The following TRAPPC6A variants were observed in gnomAD, a reference collection of about 807,000 sequenced individuals.
The protein encoded by TRAPPC6A is trafficking protein particle complex subunit 6A, also known as TRAPP complex subunit 6A.
A neutral mutation model predicts 20.8 loss-of-function variants in TRAPPC6A; 25 were observed. That is an observed-to-expected ratio of 1.20 (90% CI 0.88 to 1.68). TRAPPC6A has a LOEUF of 1.68. TRAPPC6A is among the 40% of genes most tolerant of loss of function. The pLI is 0.00. For missense variants in TRAPPC6A, 215 were observed against 211.6 expected (o/e 1.02, Z -0.10); for synonymous variants, 96 against 93.3 (o/e 1.03, Z -0.16).
intron 1 of TRAPPC6A, among the ~76,000 whole-genome samples, chr19:45,170,779 G>T (rs1969252527): frequency 6.6e-6 from 1 of 152,212 alleles, no homozygotes; most frequent in Non-Finnish European, 1.5e-5. Context: ...GTGACTGCTG[G>T]CCCCACTGTA....
chr19:45,173,961 C>A lies in TRAPPC6A; in HGVS notation c.84+4174G>T, dbSNP rs1969313631. ...GGGTAGGGAACCCCTGCCCAAGGTC[C>A]CAGGCACATTCGTGTGCTCTGAAAG... On this transcript the variant is annotated intron_variant, in intron 1 of 5. Transcript: ENST00000585934. The surrounding 1 kb of genome is among the most constrained non-coding windows in gnomAD (Gnocchi z 4.8). Among the ~76,000 whole-genome samples, 1 of 152,166 alleles carries A rather than the reference C, an allele frequency of 6.6e-6. No homozygotes were observed. Among genetic ancestry groups the A allele is most frequent in the South Asian group, 2.1e-4 (1 of 4,824 alleles).
chr19:45,175,681 T>C (rs1185277669), intron 1 of TRAPPC6A, among the ~76,000 whole-genome samples: 1 of 152,024 alleles, frequency 6.6e-6, no homozygotes, highest in African/African-American at 2.4e-5. Context: ...CGGAAAGCAC[T>C]GGACCAGGGC....
At chr19:45,171,766 T>C (rs1969273344) in intron 1 of TRAPPC6A, among the ~76,000 whole-genome samples, 1 of 152,068 alleles carries the variant, frequency 6.6e-6, no homozygotes, top group African/African-American at 2.4e-5. Flanking sequence ...GAAGAAATCA[T>C]CAGAGAGATC....
At chr19:45,178,022 T>A (rs1969430734) in intron 1 of TRAPPC6A, 113 bp downstream of exon 1, 9 of 1,556,506 alleles carry the variant, frequency 5.8e-6, no homozygotes, top group Non-Finnish European at 7.8e-6. Flanking sequence ...GACGTTGCCC[T>A]GCAAGGCCGG....
rs891859016 is a variant in TRAPPC6A, at chr19:45,172,363, G to A, written c.84+5772C>T. ...TGAACTGGGAGGGAGGCGGGTGGGG[G>A]CCATGTGCTCCACCCCTTCCTGTCT... On this transcript the variant is annotated intron_variant, in intron 1 of 5. Coordinates refer to ENST00000585934, the MANE Select transcript of TRAPPC6A (RefSeq NM_001270891.2). The surrounding 1 kb of genome is among the most constrained non-coding windows in gnomAD (Gnocchi z 4.2). 6.6e-6 allele frequency among the ~76,000 whole-genome samples: 1 copy of A among 151,552 alleles called. No homozygotes were observed. The highest frequency in any genetic ancestry group is 1.9e-4 in the East Asian group (1 of 5,194).
intron 1 of TRAPPC6A, among the ~76,000 whole-genome samples, chr19:45,174,863 G>A (rs1407913372): frequency 6.6e-6 from 1 of 151,692 alleles, no homozygotes; most frequent in Non-Finnish European, 1.5e-5. Context: ...GCTCACGCCT[G>A]TAATCCCAGC....
rs924760986 is a variant in TRAPPC6A, at chr19:45,173,255, C to T, written c.84+4880G>A. Among the ~76,000 whole-genome samples, 8 of 151,844 alleles carry T rather than the reference C, an allele frequency of 5.3e-5. No homozygotes were observed. The highest frequency in any genetic ancestry group is 7.4e-5 in the Non-Finnish European group (5 of 67,936). ...TCCTCCTTAGAGAACAAAGGCCTTC[C>T]TGGCCCCTCTGGCCGGTCCTCCAGT... On this transcript the variant is annotated intron_variant, in intron 1 of 5. Transcript: ENST00000585934. This position sits in a 1 kb window ranked among gnomAD's most constrained non-coding sequence, Gnocchi z 4.8.
Position 45,167,534 on chromosome 19 carries a change from G to A in TRAPPC6A, c.85-2340C>T, listed in dbSNP as rs376309500. Among the ~76,000 whole-genome samples the A allele has an allele frequency of 3.0e-4, 46 of 152,368 alleles. 1 individual carries two copies. The highest frequency in any genetic ancestry group is 1.1e-3 in the African/African-American group (44 of 41,600). ...TTTCGCTCTTGTTGCCCAGGCTGGAGTGCAACGGCGCGATCTCAGCTCACC... is the reference window on the plus strand; with the variant it reads ...TTTCGCTCTTGTTGCCCAGGCTGGAATGCAACGGCGCGATCTCAGCTCACC... On this transcript the variant is annotated intron_variant, in intron 1 of 5. Coordinates refer to ENST00000585934, the MANE Select transcript of TRAPPC6A (RefSeq NM_001270891.2).
At chr19:45,165,015 AGAGG>A in intron 2 of TRAPPC6A, 45 bp from the exon 3 acceptor site, 1 of 1,610,356 alleles carries the variant, frequency 6.2e-7, no homozygotes. Flanking sequence ...CAGGCCAGGA[AGAGG>A]GAGGAAGACA....
In TRAPPC6A at chr19:45,164,737, G is replaced by C. The variant is rs1035144759; in HGVS notation, c.270+116C>G. 4 of 934,204 alleles carry C rather than the reference G, an allele frequency of 4.3e-6. No individual in the cohort carries two copies. The African/African-American group carries it at 6.5e-5, about 15-fold the overall frequency. 57.9% of individuals were successfully genotyped at this position (934,204 alleles called of 1,614,324 possible). ...CAGAGCAAGAGCTGCGGCCGCCTGT[G>C]GGAAAGCTCTGGGCGGGTCCCGGCA... On this transcript the variant is annotated intron_variant, in intron 3 of 5. Transcript: ENST00000585934.
In TRAPPC6A at chr19:45,173,083, G is replaced by A. The variant is rs897936270; in HGVS notation, c.84+5052C>T. Reference sequence around the variant, plus strand: ...GGCGCAGCAGGGCTATTCTCGGGGCGCCTCGGGCCTGGTCTCAGACAATGG... The same window carrying A: ...GGCGCAGCAGGGCTATTCTCGGGGCACCTCGGGCCTGGTCTCAGACAATGG... On this transcript the variant is annotated intron_variant, in intron 1 of 5. Coordinates refer to ENST00000585934, the MANE Select transcript of TRAPPC6A (RefSeq NM_001270891.2). The surrounding 1 kb of genome is among the most constrained non-coding windows in gnomAD (Gnocchi z 4.8). 3.1e-4 allele frequency among the ~76,000 whole-genome samples: 47 copies of A among 151,540 alleles called. 1 individual carries two copies. Among genetic ancestry groups the A allele is most frequent in the African/African-American group, 9.5e-4 (39 of 40,858 alleles).
At chr19:45,176,504 G>C (rs1969379143) in intron 1 of TRAPPC6A, among the ~76,000 whole-genome samples, 1 of 152,010 alleles carries the variant, frequency 6.6e-6, no homozygotes, top group Non-Finnish European at 1.5e-5. Flanking sequence ...TTCTTTTAGA[G>C]GTGAGGTCTT....
chr19:45,177,998 G>A (rs1237690021), intron 1 of TRAPPC6A, 137 bp downstream of exon 1: 1 of 1,478,116 alleles, frequency 6.8e-7, no homozygotes, highest in Non-Finnish European at 9.0e-7. Context: ...TTCCAAAGGA[G>A]GAAGCCAGGG....
At chr19:45,171,147 C>A (rs1199291248) in intron 1 of TRAPPC6A, among the ~76,000 whole-genome samples, 1 of 152,136 alleles carries the variant, frequency 6.6e-6, no homozygotes, top group East Asian at 1.9e-4. Context: ...ACTGAAAATA[C>A]AAAAATTAGC....
In TRAPPC6A at chr19:45,164,158, C is replaced by G. The variant is rs370018160; in HGVS notation, c.354+6G>C. On this transcript the variant is annotated splice_donor_region_variant and intron_variant, in intron 4 of 5. Transcript: ENST00000585934. Reference sequence around the variant, plus strand: ...GGTGTGGACAAGGCCCCAGCTCCCCCCATACCTTGGGTGCTTCCTCCAGAT... The same window carrying G: ...GGTGTGGACAAGGCCCCAGCTCCCCGCATACCTTGGGTGCTTCCTCCAGAT... 1.2e-6 allele frequency: 2 copies of G among 1,601,068 alleles called. No homozygotes were observed.
At chr19:45,166,451 C>T (rs983669367) in intron 1 of TRAPPC6A, among the ~76,000 whole-genome samples, 2 of 149,844 alleles carry the variant, frequency 1.3e-5, no homozygotes, top group African/African-American at 4.9e-5. Context: ...TCAAGTGATC[C>T]GCCCGCCTTG....
At chr19:45,171,299 C>CACAAAACAAAACAAAACAAA (rs150712507) in intron 1 of TRAPPC6A, among the ~76,000 whole-genome samples, 10,652 of 149,796 alleles carry the variant, frequency 0.071, 431 homozygotes, top group Middle Eastern at 0.13. Context: ...GAGACTCAGT[C>CACAAAACAAAACAAAACAAA]ACAAAACAAA....
intron 1 of TRAPPC6A, among the ~76,000 whole-genome samples, chr19:45,176,045 T>C (rs1969365773): frequency 1.3e-5 from 2 of 151,918 alleles, no homozygotes; most frequent in African/African-American, 4.8e-5. Context: ...CAGGCTGGAG[T>C]GCAGTGGCAT....
intron 1 of TRAPPC6A, among the ~76,000 whole-genome samples, chr19:45,165,441 AC>A (rs1322389576): frequency 1.3e-5 from 2 of 152,164 alleles, no homozygotes; most frequent in Non-Finnish European, 2.9e-5. Flanking sequence ...GCCCCCAAGA[AC>A]CAGCTCCCCC....
Sources: gnomAD v4.1 joint callset for allele counts (sites outside exome capture counted in the v4.1 genomes callset) on GRCh38, gnomAD v4.1.1 for gene constraint, Gnocchi (gnomAD v3.1) non-coding constraint, MANE v1.5 for transcripts, NCBI Gene and HGNC (gene_info 2026-07-23, HGNC 2026-07-21) for gene names.